Variants in RC3H1 observed in about 807,000 individuals in gnomAD.
RC3H1 encodes ring finger and CCCH-type domains 1.
Under a neutral mutation model 138.2 loss-of-function variants are expected in RC3H1, and 50 were observed. The ratio of observed to expected loss-of-function variants is 0.36; its 90% CI spans 0.29 to 0.46. RC3H1 has a LOEUF of 0.46. Ranked by LOEUF, RC3H1 falls within the 20% of genes least tolerant of loss-of-function variation. The pLI is 1.00. For synonymous variants in RC3H1, 462 were observed against 489.1 expected (o/e 0.94, Z 0.73); for missense variants, 1,031 against 1,388.1 (o/e 0.74, Z 4.09).
intron 7 of RC3H1, among the ~76,000 whole-genome samples, chr1:173,976,923 CTTT>C (rs542743644): frequency 9.1e-5 from 12 of 132,496 alleles, no homozygotes; most frequent in African/African-American, 9.0e-5. Flanking sequence ...GATGTGATTT[CTTT>C]TTTTTTTTTT....
intron 1 of RC3H1, among the ~76,000 whole-genome samples, chr1:174,021,265 T>C (rs1371734597): frequency 6.6e-6 from 1 of 152,192 alleles, no homozygotes; most frequent in Non-Finnish European, 1.5e-5. Context: ...TGTCTCCGCG[T>C]TGCCAGTGTT....
intron 19 of RC3H1, among the ~76,000 whole-genome samples, chr1:173,940,700 T>C (rs552518933): frequency 6.6e-6 from 1 of 152,138 alleles, no homozygotes; most frequent in South Asian, 2.1e-4. Flanking sequence ...TATAAGGCTG[T>C]ATTCGAAATA....
At chr1:174,019,853 G>A (rs913982998) in intron 1 of RC3H1, among the ~76,000 whole-genome samples, 1 of 152,008 alleles carries the variant, frequency 6.6e-6, no homozygotes, top group African/African-American at 2.4e-5. Context: ...TACGGACCCA[G>A]ACTAAGCCCA....
At chr1:173,961,327 G>C in intron 12 of RC3H1, 83 bp from the exon 13 acceptor site, 1 of 1,266,720 alleles carries the variant, frequency 7.9e-7, no homozygotes, top group East Asian at 2.4e-5. Context: ...TATATTTTAA[G>C]TTATGAAACA....
chr1:174,004,074 A>G (rs1440503126), intron 1 of RC3H1, among the ~76,000 whole-genome samples: 1 of 147,572 alleles, frequency 6.8e-6, no homozygotes, highest in Non-Finnish European at 1.5e-5. Flanking sequence ...ATCATATATA[A>G]TTATATATTA....
Position 173,993,143 on chromosome 1 carries a change from T to C in RC3H1, c.-150-8A>G. ...CATAGTGTGAAATATAACCTGAAAA[T>C]AAAGAAAAAGGAAAAAAATTGAGTG... On this transcript the variant is annotated splice_region_variant and splice_polypyrimidine_tract_variant and intron_variant, in intron 1 of 19. Transcript: ENST00000367696. The C allele has an allele frequency of 1.7e-6, 1 of 596,454 alleles. No homozygotes were observed. Among genetic ancestry groups the C allele is most frequent in the Non-Finnish European group, 2.9e-6 (1 of 341,072 alleles). The allele number at this position is 596,454 out of a possible 1,614,324, so 36.9% of individuals were successfully genotyped here. A position where few individuals can be genotyped will look rare whatever the true frequency, so the allele number is the denominator to read the frequency against.
rs146030388 is a variant in RC3H1, at chr1:173,974,076, A to G, written c.1103-1449T>C. Among the ~76,000 whole-genome samples, 137 of 152,202 alleles carry G rather than the reference A, an allele frequency of 9.0e-4. 1 individual carries two copies. In the East Asian group the frequency reaches 0.021, roughly 23 times the overall value. ...GGCAATCCACCCATCTTGGCCTTCC[A>G]AAGTGCTGGGATTACAGGCATGAGC... On this transcript the variant is annotated intron_variant, in intron 7 of 19. Coordinates refer to ENST00000367696, the MANE Select transcript of RC3H1 (RefSeq NM_172071.4).
Position 174,022,357 on chromosome 1 carries a change from C to T in RC3H1, c.-412G>A. 2.6e-6 allele frequency: 1 copy of T among 377,478 alleles called. No homozygotes were observed. Among genetic ancestry groups the T allele is most frequent in the Admixed American group, 4.6e-5 (1 of 21,958 alleles). 23.4% of individuals were successfully genotyped at this position (377,478 alleles called of 1,614,324 possible). Reference sequence around the variant, plus strand: ...CCTCCGCCGCCCAGTCGCTCGTTGTCCTCGTCCCCTTCCTCTTCCTCAGGC... The same window carrying T: ...CCTCCGCCGCCCAGTCGCTCGTTGTTCTCGTCCCCTTCCTCTTCCTCAGGC... On this transcript the variant is annotated 5_prime_UTR_variant, in exon 1 of 20. Transcript: ENST00000367696. The surrounding 1 kb of genome is among the most constrained non-coding windows in gnomAD (Gnocchi z 4.2).
intron 8 of RC3H1, 80 bp downstream of exon 8, chr1:173,972,429 G>T: frequency 1.1e-6 from 1 of 903,576 alleles, no homozygotes; most frequent in South Asian, 1.4e-5. Context: ...TGTATCTGTA[G>T]GTATACCCAC....
intron 7 of RC3H1, among the ~76,000 whole-genome samples, chr1:173,973,354 T>G (rs1660444678): frequency 6.6e-6 from 1 of 151,928 alleles, no homozygotes; most frequent in South Asian, 2.1e-4. Flanking sequence ...TGGCCAGCAT[T>G]GTGAAACCCC....
At chr1:174,000,700 C>A (rs549629927) in intron 1 of RC3H1, among the ~76,000 whole-genome samples, 43 of 152,280 alleles carry the variant, frequency 2.8e-4, no homozygotes, top group African/African-American at 1.0e-3. Flanking sequence ...TCCATAGCAA[C>A]CAGCATGTAG....
Position 173,992,348 on chromosome 1 carries a change from T to C in RC3H1, c.231+407A>G, listed in dbSNP as rs978789951. On this transcript the variant is annotated intron_variant, in intron 2 of 19. Transcript: ENST00000367696. ...TTGTAGTAGAGACAGGATTTCACCA[T>C]GTTGGCCAGGCCGGTCTCAAACACC... Among the ~76,000 whole-genome samples, 9 of 152,188 alleles carry C rather than the reference T, an allele frequency of 5.9e-5. No individual in the cohort carries two copies. In the East Asian group the frequency reaches 1.7e-3, roughly 29 times the overall value.
chr1:173,992,629 T>C, intron 2 of RC3H1, 126 bp downstream of exon 2: 1 of 688,964 alleles, frequency 1.5e-6, no homozygotes, highest in South Asian at 1.9e-5. Flanking sequence ...TGTTACCCAA[T>C]TTTAATTCAA....
chr1:173,940,968 C>T (rs1267781097), intron 19 of RC3H1, among the ~76,000 whole-genome samples: 3 of 152,044 alleles, frequency 2.0e-5, no homozygotes, highest in African/African-American at 7.2e-5. Context: ...ACTACAGGCA[C>T]ATGCCACCAC....
intron 8 of RC3H1, among the ~76,000 whole-genome samples, chr1:173,971,819 AAT>A (rs1316457211): frequency 6.6e-6 from 1 of 152,184 alleles, no homozygotes; most frequent in Non-Finnish European, 1.5e-5. Context: ...AGCAAAAAGG[AAT>A]ACTGAGTAAC....
intron 1 of RC3H1, chr1:174,015,822 A>G (rs1661852660): frequency 6.6e-6 from 1 of 152,092 alleles, no homozygotes; most frequent in Non-Finnish European, 1.5e-5. Flanking sequence ...AGCCTATCCC[A>G]TATTTTTCAT....
At chr1:173,954,900 A>G (rs1202885983) in intron 13 of RC3H1, among the ~76,000 whole-genome samples, 1 of 152,118 alleles carries the variant, frequency 6.6e-6, no homozygotes, top group African/African-American at 2.4e-5. Flanking sequence ...AAGGAATATC[A>G]ACAAAATGAT....
chr1:173,994,796 CAA>C (rs984715226), intron 1 of RC3H1, among the ~76,000 whole-genome samples: 16 of 67,152 alleles, frequency 2.4e-4, no homozygotes, highest in Non-Finnish European at 3.6e-4. Flanking sequence ...GACCCCATCT[CAA>C]AAAAAAAAAA....
rs1660790632 is a variant in RC3H1 at position 173,981,028 on chromosome 1, T to C, written c.769-19A>G. 1 of 1,604,342 alleles carries C rather than the reference T, an allele frequency of 6.2e-7. No homozygotes were observed. The highest frequency in any genetic ancestry group is 1.7e-5 in the Admixed American group (1 of 58,986). On this transcript the variant is annotated intron_variant, in intron 5 of 19. Transcript: ENST00000367696. Reference sequence around the variant, plus strand: ...TGGTGACCTAATAAGACACAAATAATCTCATAATGAAGTCAAAAAAATGAG... The same window carrying C: ...TGGTGACCTAATAAGACACAAATAACCTCATAATGAAGTCAAAAAAATGAG...
Sources: allele counts gnomAD v4.1 joint callset (sites outside exome capture counted in the v4.1 genomes callset), GRCh38; gene constraint gnomAD v4.1.1; non-coding constraint Gnocchi (gnomAD v3.1); transcripts MANE v1.5; gene names NCBI Gene and HGNC (gene_info 2026-07-23, HGNC 2026-07-21).